Variants in LUZP2 observed in about 807,000 individuals in gnomAD.
LUZP2 encodes leucine zipper protein 2.
A neutral mutation model predicts 51.6 loss-of-function variants in LUZP2; 52 were observed. The observed-to-expected ratio is 1.01, with a 90% CI of 0.81 to 1.27. LUZP2 has a LOEUF of 1.27. Ranked by LOEUF, LUZP2 falls within the 50% of genes most tolerant of loss-of-function variation. The pLI is 0.00. For synonymous variants in LUZP2, 154 were observed against 137.3 expected (o/e 1.12, Z -0.85); for missense variants, 436 against 395.4 (o/e 1.10, Z -0.87).
intron 1 of LUZP2, among the ~76,000 whole-genome samples, chr11:24,551,755 T>C (rs993749540): frequency 4.0e-5 from 6 of 151,836 alleles, no homozygotes; most frequent in Non-Finnish European, 8.8e-5. Flanking sequence ...ATAAAGTAGG[T>C]AATAGTAACA....
At chr11:24,954,673 C>G (rs1472812342) in intron 7 of LUZP2, among the ~76,000 whole-genome samples, 1 of 151,998 alleles carries the variant, frequency 6.6e-6, no homozygotes, top group Non-Finnish European at 1.5e-5. Context: ...TTGAAACCTG[C>G]CAATACAGGA....
intron 1 of LUZP2, among the ~76,000 whole-genome samples, chr11:24,502,638 G>A (rs1427683087): frequency 6.6e-6 from 1 of 151,964 alleles, no homozygotes; most frequent in Non-Finnish European, 1.5e-5. Context: ...CCCGCCTCTC[G>A]ACCTGCCAAA....
intron 5 of LUZP2, chr11:24,786,073 A>G (rs1590523694): frequency 2.0e-6 from 2 of 985,302 alleles, no homozygotes; most frequent in Non-Finnish European, 2.4e-6. Flanking sequence ...CACATTTTTC[A>G]TCGGCTGGCA....
chr11:24,637,792 A>G (rs1855154977), intron 1 of LUZP2, among the ~76,000 whole-genome samples: 1 of 151,836 alleles, frequency 6.6e-6, no homozygotes, highest in Admixed American at 6.6e-5. Context: ...TATCAAGACA[A>G]TGAGTGCACA....
chr11:25,048,250 GT>G (rs1446464537), intron 9 of LUZP2, among the ~76,000 whole-genome samples: 1 of 152,026 alleles, frequency 6.6e-6, no homozygotes, highest in Admixed American at 6.6e-5. Context: ...TCATTCTTCC[GT>G]TTCTTTGCTT....
intron 5 of LUZP2, among the ~76,000 whole-genome samples, chr11:24,852,768 C>A (rs1328342636): frequency 2.0e-5 from 3 of 152,076 alleles, no homozygotes; most frequent in Non-Finnish European, 2.9e-5. Flanking sequence ...GTATTGGGTG[C>A]ATATATATTT....
intron 4 of LUZP2, among the ~76,000 whole-genome samples, chr11:24,743,046 G>T: frequency 6.6e-6 from 1 of 152,120 alleles, no homozygotes; most frequent in Middle Eastern, 3.4e-3. Context: ...ATTTCCATTG[G>T]TCTATATGCC....
intron 1 of LUZP2, among the ~76,000 whole-genome samples, chr11:24,713,683 G>GTTTTTTTTT (rs374748977): frequency 1.1e-5 from 1 of 89,690 alleles, no homozygotes; most frequent in African/African-American, 4.6e-5. Flanking sequence ...GTGAGAATCT[G>GTTTTTTTTT]TTTTTTTTTT....
At chr11:24,545,427 A>C (rs12360968) in intron 1 of LUZP2, among the ~76,000 whole-genome samples, 5 of 151,754 alleles carry the variant, frequency 3.3e-5, no homozygotes, top group South Asian at 2.1e-4. Flanking sequence ...TAAATGTTTA[A>C]TCTATCTTGA....
chr11:24,630,209 T>C (rs906616615), intron 1 of LUZP2, among the ~76,000 whole-genome samples: 17 of 152,114 alleles, frequency 1.1e-4, no homozygotes, highest in African/African-American at 4.1e-4. Context: ...GTCTCACTTA[T>C]CTATTTTTGT....
intron 5 of LUZP2, among the ~76,000 whole-genome samples, chr11:24,834,378 G>A (rs1850794942): frequency 6.6e-6 from 1 of 152,128 alleles, no homozygotes; most frequent in Admixed American, 6.5e-5. Context: ...AGTCTGATGA[G>A]AATGATGGCT....
intron 7 of LUZP2, among the ~76,000 whole-genome samples, chr11:24,959,861 C>G (rs1305150765): frequency 6.6e-6 from 1 of 152,114 alleles, no homozygotes; most frequent in Admixed American, 6.6e-5. Flanking sequence ...CAGTTTTTGC[C>G]CATTCAATAT....
chr11:24,673,939 T>C (rs1299678111), intron 1 of LUZP2, among the ~76,000 whole-genome samples: 1 of 152,224 alleles, frequency 6.6e-6, no homozygotes, highest in East Asian at 1.9e-4. Flanking sequence ...AACATTGCCA[T>C]TGAACTTCAA....
intron 7 of LUZP2, among the ~76,000 whole-genome samples, chr11:24,971,017 C>A (rs550101534): frequency 5.4e-4 from 82 of 152,162 alleles, no homozygotes; most frequent in African/African-American, 1.7e-3. Context: ...AAGATGGAGG[C>A]CATAATCCTA....
intron 1 of LUZP2, among the ~76,000 whole-genome samples, chr11:24,625,201 T>C (rs141740437): frequency 6.6e-6 from 1 of 151,990 alleles, no homozygotes; most frequent in East Asian, 1.9e-4. Flanking sequence ...GGAAATGAGA[T>C]TATGTTGGTC....
intron 1 of LUZP2, among the ~76,000 whole-genome samples, chr11:24,658,351 C>T (rs567010201): frequency 1.6e-4 from 24 of 152,240 alleles, no homozygotes; most frequent in Non-Finnish European, 2.9e-4. Flanking sequence ...ATAAATGGTG[C>T]TGGGAAAACT....
Position 25,078,755 on chromosome 11 carries a change from A to G in LUZP2, c.*97A>G, listed in dbSNP as rs1296966876. The G allele has an allele frequency of 5.5e-6, 5 of 902,310 alleles. No individual in the cohort carries two copies. The highest frequency in any genetic ancestry group is 8.5e-6 in the Non-Finnish European group (5 of 588,222). 55.9% of individuals were successfully genotyped at this position (902,310 alleles called of 1,614,324 possible). On this transcript the variant is annotated 3_prime_UTR_variant, in exon 12 of 12. Transcript: ENST00000336930. ...GGAAATACTGTTTCTAAAGCATGCA[A>G]CTTTTTCACAATTTTATGTAACTTT...
At chr11:24,769,877 C>T (rs1860344274) in intron 5 of LUZP2, among the ~76,000 whole-genome samples, 1 of 151,900 alleles carries the variant, frequency 6.6e-6, no homozygotes, top group African/African-American at 2.4e-5. Flanking sequence ...ACTGCAACCT[C>T]CGCCTCCCGG....
At chr11:24,768,797 G>A (rs944533755) in intron 5 of LUZP2, among the ~76,000 whole-genome samples, 12 of 152,166 alleles carry the variant, frequency 7.9e-5, no homozygotes, top group African/African-American at 2.7e-4. Flanking sequence ...TACACTAGGG[G>A]TGGGACTTCA....
Sources: allele counts gnomAD v4.1 joint callset (sites outside exome capture counted in the v4.1 genomes callset), GRCh38; gene constraint gnomAD v4.1.1; transcripts MANE v1.5; gene names NCBI Gene and HGNC (gene_info 2026-07-23, HGNC 2026-07-21).